NTRK2: variants seen among roughly 807,000 people sequenced by gnomAD.
The protein encoded by NTRK2 is BDNF/NT-3 growth factors receptor.
In NTRK2, 13 loss-of-function variants were observed where a neutral mutation model predicts 94.5. The ratio of observed to expected loss-of-function variants is 0.14; its 90% CI spans 0.09 to 0.22. The LOEUF is 0.22. NTRK2 is among the 10% of genes least tolerant of loss of function. NTRK2 has a pLI of 1.00. For synonymous variants in NTRK2, 372 were observed against 407.4 expected (o/e 0.91, Z 1.05); for missense variants, 639 against 1,071.2 (o/e 0.60, Z 5.63).
chr9:85,017,570 A>C (rs1588199884), intron 17 of NTRK2, among the ~76,000 whole-genome samples: 1 of 152,226 alleles, frequency 6.6e-6, no homozygotes, highest in Non-Finnish European at 1.5e-5. Context: ...ACATTCAAAT[A>C]GTTTAATTTA....
intron 4 of NTRK2, among the ~76,000 whole-genome samples, chr9:84,707,062 A>G (rs184738219): frequency 1.3e-5 from 2 of 152,240 alleles, no homozygotes; most frequent in African/African-American, 4.8e-5. Flanking sequence ...GTCGGCTGCC[A>G]GGGTTATGGC....
intron 12 of NTRK2, among the ~76,000 whole-genome samples, chr9:84,758,343 A>G (rs1168315045): frequency 6.6e-6 from 1 of 151,386 alleles, no homozygotes; most frequent in Non-Finnish European, 1.5e-5. Context: ...CTAGTTTTTT[A>G]CTCTATGTAT....
intron 14 of NTRK2, among the ~76,000 whole-genome samples, chr9:84,880,360 C>T (rs2076218140): frequency 6.6e-6 from 1 of 152,184 alleles, no homozygotes; most frequent in Admixed American, 6.5e-5. Context: ...GCCAAGGGAA[C>T]ACAGTGTCTA....
intron 2 of NTRK2, among the ~76,000 whole-genome samples, chr9:84,675,874 A>G (rs535131475): frequency 1.2e-4 from 18 of 152,320 alleles, no homozygotes; most frequent in African/African-American, 4.3e-4. Flanking sequence ...AAGGTCCCAT[A>G]TAACTGGGTG....
intron 14 of NTRK2, among the ~76,000 whole-genome samples, chr9:84,900,032 C>T (rs549294935): frequency 1.3e-5 from 2 of 152,304 alleles, no homozygotes; most frequent in Admixed American, 6.5e-5. Flanking sequence ...GTTACAGGAA[C>T]AACTTACTTT....
intron 12 of NTRK2, among the ~76,000 whole-genome samples, chr9:84,837,081 T>G (rs1201638975): frequency 6.6e-6 from 1 of 151,760 alleles, no homozygotes; most frequent in African/African-American, 2.4e-5. Flanking sequence ...CAGTAAATAT[T>G]TGTTAACTAA....
intron 12 of NTRK2, among the ~76,000 whole-genome samples, chr9:84,824,807 T>G (rs2073078065): frequency 6.6e-6 from 1 of 152,120 alleles, no homozygotes; most frequent in Admixed American, 6.5e-5. Flanking sequence ...CCACAGTATG[T>G]AGGCTGTTTC....
At chr9:84,824,279 A>T (rs184459711) in intron 12 of NTRK2, among the ~76,000 whole-genome samples, 2 of 152,208 alleles carry the variant, frequency 1.3e-5, no homozygotes, top group African/African-American at 4.8e-5. Flanking sequence ...TTCTGAGAGA[A>T]CCCTCACGAC....
intron 12 of NTRK2, among the ~76,000 whole-genome samples, chr9:84,768,619 T>TG (rs1464779777): frequency 6.6e-5 from 10 of 152,218 alleles, no homozygotes; most frequent in Non-Finnish European, 1.5e-4. Flanking sequence ...ATCTCTCTGT[T>TG]GGGACCCCCA....
intron 12 of NTRK2, among the ~76,000 whole-genome samples, chr9:84,821,285 CGA>C (rs145312218): frequency 6.0e-5 from 9 of 149,724 alleles, no homozygotes; most frequent in East Asian, 2.0e-4. Flanking sequence ...TGTGTGTGTG[CGA>C]GAGAGAGAGA....
At chr9:84,848,499 A>G (rs1319641104) in intron 12 of NTRK2, among the ~76,000 whole-genome samples, 1 of 152,194 alleles carries the variant, frequency 6.6e-6, no homozygotes, top group African/African-American at 2.4e-5. Context: ...GACCAAGAAG[A>G]TTCCTGGAGA....
intron 12 of NTRK2, among the ~76,000 whole-genome samples, chr9:84,835,497 A>G (rs2131719761): frequency 6.6e-6 from 1 of 151,818 alleles, no homozygotes; most frequent in South Asian, 2.1e-4. Context: ...TTTTCTGGCC[A>G]CTACTAGATT....
intron 13 of NTRK2, among the ~76,000 whole-genome samples, chr9:84,862,569 C>G (rs2075386545): frequency 6.6e-6 from 1 of 152,184 alleles, no homozygotes; most frequent in Non-Finnish European, 1.5e-5. Flanking sequence ...CGGCTGCAGT[C>G]CAGCAGAGGT....
chr9:84,993,176 A>T lies in NTRK2; in HGVS notation c.2173-27030A>T, dbSNP rs1019147392. 1.3e-5 allele frequency among the ~76,000 whole-genome samples: 2 copies of T among 152,064 alleles called. 1 individual carries two copies. Among genetic ancestry groups the T allele is most frequent in the Non-Finnish European group, 2.9e-5 (2 of 68,016 alleles). On this transcript the variant is annotated intron_variant, in intron 17 of 18. Transcript: ENST00000277120. ...CAATCACTAACTGTTGGAATTTCTC[A>T]AGGCCCCTTCCCAGTCTCACTCCTC...
At chr9:84,723,746 C>T (rs1450516159) in intron 7 of NTRK2, 37 bp downstream of exon 7, 1 of 1,613,468 alleles carries the variant, frequency 6.2e-7, no homozygotes, top group Non-Finnish European at 8.5e-7. Flanking sequence ...AATAGAGAGA[C>T]AAGAGTGTTT....
rs528261695 is a variant in NTRK2, at chr9:85,026,137, A to AT, written c.*4700_*4701insT. The AT allele has an allele frequency of 0.017, 3,492 of 208,338 alleles. 53 individuals are homozygous for AT. Among genetic ancestry groups the AT allele is most frequent in the Middle Eastern group, 0.033 (22 of 672 alleles). 12.9% of individuals were successfully genotyped at this position (208,338 alleles called of 1,614,324 possible). On this transcript the variant is annotated 3_prime_UTR_variant, in exon 19 of 19. Coordinates refer to ENST00000277120, the MANE Select transcript of NTRK2 (RefSeq NM_006180.6). ...ACAAACACAAAGCAAAGCAAAAAAA[A>AT]AAATATATATATATATATCTGTATA...
chr9:84,905,275 G>GGTGTGT (rs58470162), intron 14 of NTRK2, among the ~76,000 whole-genome samples: 35 of 147,844 alleles, frequency 2.4e-4, no homozygotes, highest in Non-Finnish European at 3.7e-4. Context: ...GGTTTTAGAG[G>GGTGTGT]GTGTGTGTGT....
At chr9:84,956,847 GGT>G (rs976419740) in intron 17 of NTRK2, among the ~76,000 whole-genome samples, 4 of 52,016 alleles carry the variant, frequency 7.7e-5, no homozygotes, top group Admixed American at 5.8e-4. Flanking sequence ...ACTGTTTTGT[GGT>G]GTTTTTTTTT....
chr9:84,821,221 A>C (rs2072797285), intron 12 of NTRK2, among the ~76,000 whole-genome samples: 1 of 151,158 alleles, frequency 6.6e-6, no homozygotes, highest in South Asian at 2.1e-4. Context: ...TTTAATTTTC[A>C]CACTTTAAAA....
Sources: gnomAD v4.1 joint callset for allele counts (sites outside exome capture counted in the v4.1 genomes callset) on GRCh38, gnomAD v4.1.1 for gene constraint, MANE v1.5 for transcripts, NCBI Gene and HGNC (gene_info 2026-07-23, HGNC 2026-07-21) for gene names.